RBPJ: variants seen among roughly 807,000 people sequenced by gnomAD.
RBPJ encodes recombining binding protein suppressor of hairless.
A neutral mutation model predicts 67.8 loss-of-function variants in RBPJ; 9 were observed. That is an observed-to-expected ratio of 0.13 (90% CI 0.08 to 0.23). The LOEUF (loss-of-function observed/expected upper bound fraction) is 0.23, where lower values mean the gene tolerates loss of function less well. RBPJ is among the 10% of genes least tolerant of loss of function. The pLI is 1.00. For missense variants in RBPJ, 305 were observed against 595.6 expected, an observed-to-expected ratio of 0.51 and a Z score of 5.08; for synonymous variants, 198 against 203.3, an observed-to-expected ratio of 0.97 and a Z score of 0.22.
chr4:26,233,189 C>A (rs1322152261), intron 1 of RBPJ, among the ~76,000 whole-genome samples: 1 of 152,132 alleles, frequency 6.6e-6, no homozygotes, highest in Non-Finnish European at 1.5e-5. Flanking sequence ...ATAAATAAAT[C>A]ATTCATGAAT....
chr4:26,349,110 G>C (rs1489415923), intron 1 of RBPJ, among the ~76,000 whole-genome samples: 3 of 121,324 alleles, frequency 2.5e-5, no homozygotes, highest in Non-Finnish European at 3.7e-5. Flanking sequence ...GCACTTGCCA[G>C]GCTCTAGAGT....
chr4:26,202,305 AAGAGGGAATTGCT>A (rs958776546), intron 1 of RBPJ, among the ~76,000 whole-genome samples: 2 of 151,180 alleles, frequency 1.3e-5, no homozygotes, highest in African/African-American at 2.4e-5. Context: ...GATTTTTAAA[AAGAGGGAATTGCT>A]AGTCAAGAAT....
rs1221005125 is a variant in RBPJ at position 26,335,519 on chromosome 4, C to CTT, written c.20+14475_20+14476dup. On this transcript the variant is annotated intron_variant, in intron 1 of 10. Coordinates refer to ENST00000355476, the MANE Select transcript of RBPJ (RefSeq NM_015874.6). Reference sequence around the variant, plus strand: ...CTTATCAGATATTCTGCGTTCTCTTCTTTTTGCTCGCTGCCATTGCCTTAC... The same window carrying CTT: ...CTTATCAGATATTCTGCGTTCTCTTCTTTTTTTGCTCGCTGCCATTGCCTTAC... Among the ~76,000 whole-genome samples, 5 of 151,630 alleles carry CTT rather than the reference C, an allele frequency of 3.3e-5. No individual in the cohort carries two copies. The East Asian group carries it at 9.8e-4, about 30-fold the overall frequency.
At chr4:26,220,178 C>T (rs1157529042) in intron 1 of RBPJ, among the ~76,000 whole-genome samples, 1 of 152,182 alleles carries the variant, frequency 6.6e-6, no homozygotes, top group African/African-American at 2.4e-5. Context: ...ATAGCTACTA[C>T]TATAATAGGC....
chr4:26,147,482 A>G, the RBPJ span, among the ~76,000 whole-genome samples: 1 of 152,208 alleles, frequency 6.6e-6, no homozygotes, highest in Admixed American at 6.5e-5. Flanking sequence ...AACTTCTCCC[A>G]GGTATACCAA....
At chr4:26,366,847 C>G (rs978924122) in intron 1 of RBPJ, among the ~76,000 whole-genome samples, 1 of 152,008 alleles carries the variant, frequency 6.6e-6, no homozygotes, top group African/African-American at 2.4e-5. Context: ...ACAAATAGGC[C>G]GGGCGTCGTG....
intron 1 of RBPJ, among the ~76,000 whole-genome samples, chr4:26,329,693 G>A (rs369098518): frequency 1.8e-4 from 28 of 152,214 alleles, no homozygotes; most frequent in African/African-American, 6.5e-4. Flanking sequence ...AGGAAATCGA[G>A]ACCATCCTGG....
chr4:26,122,721 A>G, the RBPJ span, among the ~76,000 whole-genome samples: 4 of 152,190 alleles, frequency 2.6e-5, no homozygotes, highest in African/African-American at 9.7e-5. Context: ...ATGAATGAGT[A>G]GGATCTAGTA....
At chr4:26,230,864 A>G (rs1362320322) in intron 1 of RBPJ, among the ~76,000 whole-genome samples, 2 of 152,218 alleles carry the variant, frequency 1.3e-5, no homozygotes, top group African/African-American at 4.8e-5. Flanking sequence ...ATCCCTTGTC[A>G]TGAAGTGTGA....
intron 1 of RBPJ, among the ~76,000 whole-genome samples, chr4:26,241,575 G>C (rs879588469): frequency 3.3e-5 from 5 of 151,866 alleles, no homozygotes; most frequent in Admixed American, 3.3e-4. Context: ...ACAGTGGCGC[G>C]ATCCCTGCTC....
chr4:26,297,856 C>A (rs1317936878), intron 1 of RBPJ, among the ~76,000 whole-genome samples: 1 of 151,598 alleles, frequency 6.6e-6, no homozygotes, highest in East Asian at 1.9e-4. Flanking sequence ...AAAACCACCA[C>A]CCAGAATTGA....
At chr4:26,108,858 C>G in the RBPJ span, among the ~76,000 whole-genome samples, 1 of 152,168 alleles carries the variant, frequency 6.6e-6, no homozygotes, top group African/African-American at 2.4e-5. Flanking sequence ...AGTGTGTAAC[C>G]TGTCCAAGCT....
At chr4:26,203,208 A>G (rs1330989715) in intron 1 of RBPJ, among the ~76,000 whole-genome samples, 1 of 152,192 alleles carries the variant, frequency 6.6e-6, no homozygotes, top group Admixed American at 6.5e-5. Context: ...TCAAATTTCT[A>G]TGCTCAAAAT....
chr4:26,366,126 A>C (rs1305119838), intron 1 of RBPJ, among the ~76,000 whole-genome samples: 1 of 152,230 alleles, frequency 6.6e-6, no homozygotes, highest in Non-Finnish European at 1.5e-5. Context: ...TGTCAGTGGC[A>C]TGTGTATGTA....
At chr4:26,240,186 G>T (rs1462286333) in intron 1 of RBPJ, among the ~76,000 whole-genome samples, 2 of 152,044 alleles carry the variant, frequency 1.3e-5, no homozygotes, top group Non-Finnish European at 2.9e-5. Flanking sequence ...CCCCAACATC[G>T]CATGAGGCCT....
intron 2 of RBPJ, among the ~76,000 whole-genome samples, chr4:26,397,517 T>C (rs1007025919): frequency 9.2e-5 from 14 of 152,334 alleles, no homozygotes; most frequent in African/African-American, 3.1e-4. Flanking sequence ...CTTTTAAAAA[T>C]TGTCTGCAGG....
intron 1 of RBPJ, among the ~76,000 whole-genome samples, chr4:26,323,970 GT>G (rs1156383101): frequency 9.2e-5 from 14 of 152,170 alleles, no homozygotes; most frequent in African/African-American, 2.4e-4. Flanking sequence ...ACTAGGGGCA[GT>G]ATTTTCTCAT....
At chr4:26,319,414 C>A (rs1252200682), upstream of RBPJ, among the ~76,000 whole-genome samples, 2 of 151,992 alleles carry the variant, frequency 1.3e-5, no homozygotes, top group African/African-American at 4.8e-5. Context: ...CCCTCCGCCC[C>A]GTGCTCCCAG....
chr4:26,151,969 C>A, the RBPJ span, among the ~76,000 whole-genome samples: 1 of 152,160 alleles, frequency 6.6e-6, no homozygotes, highest in African/African-American at 2.4e-5. Flanking sequence ...CACAATTGGG[C>A]TTTTGGGGTC....
Sources: gnomAD v4.1 joint callset for allele counts (sites outside exome capture counted in the v4.1 genomes callset) on GRCh38, gnomAD v4.1.1 for gene constraint, MANE v1.5 for transcripts, NCBI Gene and HGNC (gene_info 2026-07-23, HGNC 2026-07-21) for gene names.